The following NFIB variants were observed in gnomAD, a reference collection of about 807,000 sequenced individuals.
The protein encoded by NFIB is nuclear factor I B, also known as nuclear factor 1 B-type.
NFIB carries 11 observed loss-of-function variants against 61.5 expected under a neutral mutation model. That is an observed-to-expected ratio of 0.18 (90% CI 0.11 to 0.30). NFIB has a LOEUF of 0.30. NFIB is among the 10% of genes least tolerant of loss of function. The pLI is 1.00. For missense variants in NFIB, 471 were observed against 608.9 expected, an observed-to-expected ratio of 0.77 and a Z score of 2.38; for synonymous variants, 260 against 216.5, an observed-to-expected ratio of 1.20 and a Z score of -1.76.
In NFIB at chr9:14,275,558, T is replaced by A. The variant is rs145246422; in HGVS notation, c.562+31431A>T. 2.0e-5 allele frequency among the ~76,000 whole-genome samples: 3 copies of A among 152,246 alleles called. No individual in the cohort carries two copies. In the East Asian group the frequency reaches 5.8e-4, roughly 29 times the overall value. ...ATTCACAAGCAGTATCCTTGAAGAATGATATCTGTGTATATAAGTGAAAAC... is the reference window on the plus strand; with the variant it reads ...ATTCACAAGCAGTATCCTTGAAGAAAGATATCTGTGTATATAAGTGAAAAC... On this transcript the variant is annotated intron_variant, in intron 2 of 10. Transcript: ENST00000380953.
intron 10 of NFIB, among the ~76,000 whole-genome samples, chr9:14,097,538 A>C (rs1014746193): frequency 6.6e-6 from 1 of 152,192 alleles, no homozygotes; most frequent in Non-Finnish European, 1.5e-5. Context: ...TAATGTTGAA[A>C]TAAAAGTTAA....
chr9:14,364,627 T>G (rs564141000), intron 1 of NFIB, among the ~76,000 whole-genome samples: 4 of 152,210 alleles, frequency 2.6e-5, no homozygotes, highest in African/African-American at 7.2e-5. Context: ...CCTACATTTA[T>G]TGGATCAAAA....
At chr9:14,262,527 T>C (rs2056848724) in intron 2 of NFIB, among the ~76,000 whole-genome samples, 1 of 152,186 alleles carries the variant, frequency 6.6e-6, no homozygotes, top group Non-Finnish European at 1.5e-5. Context: ...AGAAGAATCA[T>C]TTCTGGAAGA....
chr9:14,159,256 C>T (rs140577515), intron 3 of NFIB, among the ~76,000 whole-genome samples: 1 of 152,282 alleles, frequency 6.6e-6, no homozygotes, highest in East Asian at 1.9e-4. Context: ...CCACTCCCCA[C>T]CCCCAACTTC....
At chr9:14,147,376 G>GGAACGTA (rs1219707575) in intron 5 of NFIB, among the ~76,000 whole-genome samples, 3 of 152,072 alleles carry the variant, frequency 2.0e-5, no homozygotes, top group Non-Finnish European at 2.9e-5. Context: ...TTCAAAGGCA[G>GGAACGTA]ACGGTTGGAA....
chr9:14,315,645 C>A (rs1316060926), upstream of NFIB, among the ~76,000 whole-genome samples: 6 of 148,868 alleles, frequency 4.0e-5, no homozygotes, highest in Non-Finnish European at 1.5e-5. Context: ...CGCTGCCCCG[C>A]CCCCACCCCG....
chr9:14,496,050 T>C, the NFIB span, among the ~76,000 whole-genome samples: 3 of 152,224 alleles, frequency 2.0e-5, no homozygotes, highest in South Asian at 2.1e-4. Context: ...TGAGACTATA[T>C]GTCTAAAGTG....
chr9:14,469,636 A>C, the NFIB span, among the ~76,000 whole-genome samples: 1 of 152,264 alleles, frequency 6.6e-6, no homozygotes, highest in Middle Eastern at 3.4e-3. Context: ...CCTGCATTTA[A>C]CTAGCTAGGT....
chr9:14,474,035 A>T, the NFIB span, among the ~76,000 whole-genome samples: 1 of 152,202 alleles, frequency 6.6e-6, no homozygotes, highest in African/African-American at 2.4e-5. Context: ...TATCAACTCC[A>T]TACTACAAGG....
Position 14,085,955 on chromosome 9 carries a change from A to G in NFIB, c.*2354T>C, listed in dbSNP as rs906602885. 3.1e-5 allele frequency: 7 copies of G among 229,106 alleles called. No individual in the cohort carries two copies. The Admixed American group carries it at 4.0e-4, about 13-fold the overall frequency. The allele number at this position is 229,106 out of a possible 1,614,324, so 14.2% of individuals were successfully genotyped here. On this transcript the variant is annotated 3_prime_UTR_variant, in exon 11 of 11. Coordinates refer to ENST00000380953, the MANE Select transcript of NFIB (RefSeq NM_001190737.2). Reference sequence around the variant, plus strand: ...CAAATATGAGACAGGCTCACTCTCCACTGTGGATCTGGAACTTTCAAGAAA... The same window carrying G: ...CAAATATGAGACAGGCTCACTCTCCGCTGTGGATCTGGAACTTTCAAGAAA...
intron 1 of NFIB, among the ~76,000 whole-genome samples, chr9:14,359,502 T>A (rs2061214190): frequency 6.6e-6 from 1 of 152,066 alleles, no homozygotes; most frequent in African/African-American, 2.4e-5. Context: ...AAACAAAATC[T>A]CCCCCAGAGC....
chr9:14,234,235 C>G (rs1344745365), intron 2 of NFIB, among the ~76,000 whole-genome samples: 1 of 152,118 alleles, frequency 6.6e-6, no homozygotes, highest in Non-Finnish European at 1.5e-5. Flanking sequence ...ATCACAAACC[C>G]ATCTGCAACA....
intron 6 of NFIB, among the ~76,000 whole-genome samples, chr9:14,134,897 C>CAAAAAAAAAAAAAA (rs57014530): frequency 3.1e-5 from 2 of 64,344 alleles, no homozygotes; most frequent in Admixed American, 1.9e-4. Flanking sequence ...GACTCTGTCT[C>CAAAAAAAAAAAAAA]AAAAAAAAAA....
At chr9:14,463,707 C>T in the NFIB span, among the ~76,000 whole-genome samples, 16 of 145,572 alleles carry the variant, frequency 1.1e-4, no homozygotes, top group South Asian at 6.5e-4. Flanking sequence ...GTCACCCAGG[C>T]TGGAGTGCAG....
the NFIB span, among the ~76,000 whole-genome samples, chr9:14,418,631 C>T: frequency 1.3e-5 from 2 of 152,132 alleles, no homozygotes; most frequent in African/African-American, 4.8e-5. Context: ...TGAATTTTTG[C>T]AAGACCCTAT....
At chr9:14,397,401 A>C (rs2061697467) in intron 1 of NFIB, among the ~76,000 whole-genome samples, 1 of 152,208 alleles carries the variant, frequency 6.6e-6, no homozygotes. Context: ...ATGACAATGG[A>C]ACTTTAGGTA....
chr9:14,186,180 G>T (rs1489900830), intron 2 of NFIB, among the ~76,000 whole-genome samples: 1 of 152,158 alleles, frequency 6.6e-6, no homozygotes, highest in Non-Finnish European at 1.5e-5. Flanking sequence ...AAAATTCTAT[G>T]ATTCCATAAC....
chr9:14,220,922 C>T (rs995279476), intron 2 of NFIB, among the ~76,000 whole-genome samples: 3 of 151,390 alleles, frequency 2.0e-5, no homozygotes, highest in Non-Finnish European at 4.4e-5. Context: ...CTCACCCCCT[C>T]CCAAGGAGAG....
intron 1 of NFIB, among the ~76,000 whole-genome samples, chr9:14,347,100 C>A (rs1250695531): frequency 6.6e-6 from 1 of 151,814 alleles, no homozygotes; most frequent in East Asian, 2.0e-4. Flanking sequence ...GAGCTCCACG[C>A]CGGGAGCTGG....
Sources: gnomAD v4.1 joint callset for allele counts (sites outside exome capture counted in the v4.1 genomes callset) on GRCh38, gnomAD v4.1.1 for gene constraint, MANE v1.5 for transcripts, NCBI Gene and HGNC (gene_info 2026-07-23, HGNC 2026-07-21) for gene names.